The following DPF3 variants were observed in gnomAD, a reference collection of about 807,000 sequenced individuals.
DPF3 encodes the protein double PHD fingers 3.
DPF3 carries 18 observed loss-of-function variants against 56.8 expected under a neutral mutation model. That is an observed-to-expected ratio of 0.32 (90% confidence interval 0.22 to 0.47). The LOEUF (loss-of-function observed/expected upper bound fraction) is 0.47, where lower values mean the gene tolerates loss of function less well. Ranked by LOEUF, DPF3 falls within the 20% of genes least tolerant of loss-of-function variation. DPF3 has a pLI of 1.00. For synonymous variants in DPF3, 188 were observed against 180.2 expected (o/e 1.04, Z -0.35); for missense variants, 403 against 488.8 (o/e 0.82, Z 1.65).
chr14:72,807,857 C>T (rs1272210943), intron 1 of DPF3, among the ~76,000 whole-genome samples: 1 of 152,144 alleles, frequency 6.6e-6, no homozygotes, highest in African/African-American at 2.4e-5. Flanking sequence ...CCTAGCTACT[C>T]AGGAGGCTGA....
At chr14:72,652,087 C>T (rs1885925899) in intron 8 of DPF3, among the ~76,000 whole-genome samples, 5 of 152,208 alleles carry the variant, frequency 3.3e-5, no homozygotes. Context: ...ACACCCCCTA[C>T]ATCACAGGAT....
chr14:72,873,929 G>C (rs570543653), intron 1 of DPF3, among the ~76,000 whole-genome samples: 2 of 151,690 alleles, frequency 1.3e-5, no homozygotes, highest in Non-Finnish European at 2.9e-5. Context: ...GTTGTGGGGT[G>C]GGGGGAAGGG....
rs547464777 is a variant in DPF3 at position 72,868,876 on chromosome 14, G to A, written c.32+25181C>T. ...AAAACCCACTCATCCTGACCTTCCC[G>A]GGCTCCATCACTAAATCTCCCCATG... On this transcript the variant is annotated intron_variant, in intron 1 of 10. Coordinates refer to ENST00000556509, the MANE Select transcript of DPF3 (RefSeq NM_001280542.3). Among the ~76,000 whole-genome samples the A allele has an allele frequency of 1.1e-4, 16 of 152,126 alleles. No homozygotes were observed. The South Asian group carries it at 2.1e-3, about 20-fold the overall frequency.
intron 1 of DPF3, among the ~76,000 whole-genome samples, chr14:72,840,693 T>C (rs1384482137): frequency 6.6e-6 from 1 of 152,242 alleles, no homozygotes; most frequent in Admixed American, 6.5e-5. Context: ...GATATAAAGG[T>C]GTCAAAGCTA....
At chr14:72,687,582 C>T (rs1887467763) in intron 7 of DPF3, among the ~76,000 whole-genome samples, 1 of 152,180 alleles carries the variant, frequency 6.6e-6, no homozygotes, top group Non-Finnish European at 1.5e-5. Context: ...CTAAATCCAA[C>T]ATTACTATCA....
chr14:72,765,727 C>T (rs765017088), intron 2 of DPF3, among the ~76,000 whole-genome samples: 1 of 152,182 alleles, frequency 6.6e-6, no homozygotes, highest in African/African-American at 2.4e-5. Context: ...GCGGGTGGAT[C>T]ACGAGGTCAG....
At chr14:72,803,246 G>A (rs1260303252) in intron 1 of DPF3, among the ~76,000 whole-genome samples, 1 of 152,114 alleles carries the variant, frequency 6.6e-6, no homozygotes, top group Non-Finnish European at 1.5e-5. Context: ...TCTCTCTCAG[G>A]GTGAAGTGTG....
chr14:72,728,517 G>A (rs1479073916), intron 4 of DPF3, among the ~76,000 whole-genome samples: 3 of 152,142 alleles, frequency 2.0e-5, no homozygotes, highest in Non-Finnish European at 2.9e-5. Context: ...GGAAGGTCAC[G>A]CTCATCCTTT....
At chr14:72,689,648 G>A (rs965427619) in intron 7 of DPF3, among the ~76,000 whole-genome samples, 1 of 152,198 alleles carries the variant, frequency 6.6e-6, no homozygotes, top group African/African-American at 2.4e-5. Flanking sequence ...TAATGATGCT[G>A]GCAATTAGTG....
At chr14:72,654,381 A>T (rs1020347775) in intron 8 of DPF3, among the ~76,000 whole-genome samples, 2 of 152,038 alleles carry the variant, frequency 1.3e-5, no homozygotes, top group African/African-American at 4.8e-5. Flanking sequence ...TCCAACCTGC[A>T]CTGGTCCCTT....
At chr14:72,632,210 G>A (rs548209004) in intron 8 of DPF3, among the ~76,000 whole-genome samples, 1 of 152,354 alleles carries the variant, frequency 6.6e-6, no homozygotes, top group East Asian at 1.9e-4. Context: ...TCTTTAGCAT[G>A]AGTGCTATTG....
chr14:72,711,732 A>G (rs1046230102), intron 6 of DPF3, among the ~76,000 whole-genome samples: 4 of 152,270 alleles, frequency 2.6e-5, no homozygotes, highest in Non-Finnish European at 5.9e-5. Context: ...GCAAACGACA[A>G]GGGGACCTGT....
chr14:72,688,327 A>G (rs141755558), intron 7 of DPF3, among the ~76,000 whole-genome samples: 36 of 130,274 alleles, frequency 2.8e-4, no homozygotes, highest in African/African-American at 8.8e-4. Context: ...GGGTGGGTGG[A>G]TGGATCGATG....
chr14:72,814,604 C>A (rs937085871), intron 1 of DPF3, among the ~76,000 whole-genome samples: 3 of 152,052 alleles, frequency 2.0e-5, no homozygotes, highest in Non-Finnish European at 4.4e-5. Flanking sequence ...CTCTTGAGAC[C>A]AGGAGTTTGA....
At chr14:72,889,073 G>T (rs1791290036) in intron 1 of DPF3, among the ~76,000 whole-genome samples, 1 of 152,154 alleles carries the variant, frequency 6.6e-6, no homozygotes, top group African/African-American at 2.4e-5. Context: ...GTCTTTCTCA[G>T]ATGTATCCAA....
Position 72,739,994 on chromosome 14 carries a change from T to C in DPF3, c.302-8060A>G, listed in dbSNP as rs1385192173. On this transcript the variant is annotated intron_variant, in intron 3 of 10. Coordinates refer to ENST00000556509, the MANE Select transcript of DPF3 (RefSeq NM_001280542.3). Reference sequence around the variant, plus strand: ...GAAAAACAGAGCCAAGGAGGAGAAGTTGGAGTGTCAGGGTGATGGGAGGGG... The same window carrying C: ...GAAAAACAGAGCCAAGGAGGAGAAGCTGGAGTGTCAGGGTGATGGGAGGGG... Among the ~76,000 whole-genome samples, 4 of 152,012 alleles carry C rather than the reference T, an allele frequency of 2.6e-5. No homozygotes were observed. In the East Asian group the frequency reaches 7.7e-4, roughly 29 times the overall value.
intron 1 of DPF3, among the ~76,000 whole-genome samples, chr14:72,772,954 CAGGGGCAAAAGGGAGAA>C (rs1891596969): frequency 6.6e-6 from 1 of 152,054 alleles, no homozygotes; most frequent in Non-Finnish European, 1.5e-5. Flanking sequence ...ACAGAGTTCA[CAGGGGCAAAAGGGAGAA>C]TCAAGTGTTT....
chr14:72,737,329 AC>A (rs1259146367), intron 3 of DPF3, among the ~76,000 whole-genome samples: 1 of 152,110 alleles, frequency 6.6e-6, no homozygotes, highest in Non-Finnish European at 1.5e-5. Context: ...AGCTTTTGAC[AC>A]AGGTGCCCCA....
At chr14:72,626,695 G>T (rs1358962344) in intron 9 of DPF3, among the ~76,000 whole-genome samples, 12 of 152,112 alleles carry the variant, frequency 7.9e-5, no homozygotes. Flanking sequence ...GTAGATTCCT[G>T]TAGGTGAGAA....
Sources: allele counts gnomAD v4.1 joint callset (sites outside exome capture counted in the v4.1 genomes callset), GRCh38; gene constraint gnomAD v4.1.1; transcripts MANE v1.5; gene names NCBI Gene and HGNC (gene_info 2026-07-23, HGNC 2026-07-21).